Variants in TMEM132B observed in about 807,000 individuals in gnomAD.
TMEM132B encodes transmembrane protein 132B.
TMEM132B carries 18 observed loss-of-function variants against 90.8 expected under a neutral mutation model. The ratio of observed to expected loss-of-function variants is 0.20; its 90% CI spans 0.14 to 0.29. TMEM132B has a LOEUF of 0.29. TMEM132B is among the 10% of genes least tolerant of loss of function. TMEM132B has a pLI of 1.00. For missense variants in TMEM132B, 1,096 were observed against 1,326.8 expected, an observed-to-expected ratio of 0.83 and a Z score of 2.70; for synonymous variants, 504 against 523.3, an observed-to-expected ratio of 0.96 and a Z score of 0.50.
At chr12:125,597,089 A>C (rs993632566) in intron 5 of TMEM132B, among the ~76,000 whole-genome samples, 3 of 152,200 alleles carry the variant, frequency 2.0e-5, no homozygotes, top group Non-Finnish European at 4.4e-5. Flanking sequence ...GGAGTGAAAG[A>C]ATTTTGGTTT....
chr12:125,231,235 G>GTA (rs1263089552), intron 1 of TMEM132B, among the ~76,000 whole-genome samples: 8 of 150,544 alleles, frequency 5.3e-5, no homozygotes, highest in Non-Finnish European at 1.0e-4. Flanking sequence ...GTGTGTGTGT[G>GTA]TGTATATCTG....
intron 1 of TMEM132B, among the ~76,000 whole-genome samples, chr12:125,238,380 AAAAAAACC>A (rs1873987545): frequency 6.8e-6 from 1 of 146,742 alleles, no homozygotes; most frequent in Non-Finnish European, 1.5e-5. Context: ...AAAAAAACAA[AAAAAAACC>A]AAAAAAACAA....
chr12:125,188,070 G>A (rs1295283004), intron 1 of TMEM132B, among the ~76,000 whole-genome samples: 1 of 152,306 alleles, frequency 6.6e-6, no homozygotes, highest in African/African-American at 2.4e-5. Flanking sequence ...CTTGATGTTC[G>A]ATGTATTTTA....
intron 1 of TMEM132B, among the ~76,000 whole-genome samples, chr12:125,189,426 T>C (rs543565425): frequency 1.3e-3 from 202 of 152,142 alleles, no homozygotes; most frequent in African/African-American, 4.6e-3. Context: ...AGGGGCCACA[T>C]TGAGTGGCAG....
intron 2 of TMEM132B, among the ~76,000 whole-genome samples, chr12:125,359,690 T>C (rs1259540152): frequency 6.6e-6 from 1 of 152,128 alleles, no homozygotes; most frequent in Admixed American, 6.5e-5. Context: ...AAATAACAAA[T>C]GTAAAAAGCC....
chr12:125,622,820 T>G (rs1039126582), intron 5 of TMEM132B, among the ~76,000 whole-genome samples: 1 of 152,162 alleles, frequency 6.6e-6, no homozygotes, highest in African/African-American at 2.4e-5. Flanking sequence ...CAGCTAACAA[T>G]TTTTATACCT....
At chr12:125,477,590 T>A (rs1166890970) in intron 3 of TMEM132B, among the ~76,000 whole-genome samples, 5 of 152,228 alleles carry the variant, frequency 3.3e-5, no homozygotes, top group African/African-American at 1.2e-4. Context: ...CTCTTACATT[T>A]TTTTCAACTT....
chr12:125,590,961 A>G (rs1885302364), intron 5 of TMEM132B, among the ~76,000 whole-genome samples: 1 of 152,140 alleles, frequency 6.6e-6, no homozygotes, highest in Admixed American at 6.5e-5. Context: ...ACCTCTGTAC[A>G]TCTAAAATTG....
intron 3 of TMEM132B, among the ~76,000 whole-genome samples, chr12:125,438,911 C>T (rs1418164260): frequency 6.6e-6 from 1 of 152,142 alleles, no homozygotes; most frequent in East Asian, 1.9e-4. Context: ...TCTTTTATCC[C>T]TTTGCTGTGT....
intron 3 of TMEM132B, among the ~76,000 whole-genome samples, chr12:125,454,403 T>TGTGG (rs1881238284): frequency 6.6e-6 from 1 of 151,836 alleles, no homozygotes; most frequent in Non-Finnish European, 1.5e-5. Flanking sequence ...TGTGTGTGTG[T>TGTGG]GTGTGTGTGT....
chr12:125,379,499 A>G (rs1388790120), intron 2 of TMEM132B, among the ~76,000 whole-genome samples: 2 of 152,200 alleles, frequency 1.3e-5, no homozygotes, highest in East Asian at 1.9e-4. Flanking sequence ...CCCCCAAAAT[A>G]AAGACAAAAA....
Position 125,488,594 on chromosome 12 carries a change from A to G in TMEM132B, c.1107-30845A>G, listed in dbSNP as rs181331185. ...TTGCCTGCTGCCATCCATGTAAGAC[A>G]TGACTTGCTCCTCTTTGCCTCCTGC... On this transcript the variant is annotated intron_variant, in intron 3 of 8. Transcript: ENST00000682704. Among the ~76,000 whole-genome samples, 113 of 152,312 alleles carry G rather than the reference A, an allele frequency of 7.4e-4. No individual in the cohort carries two copies. The East Asian group carries it at 9.9e-3, about 13-fold the overall frequency.
At chr12:125,575,976 A>G (rs891432204) in intron 4 of TMEM132B, among the ~76,000 whole-genome samples, 1 of 152,042 alleles carries the variant, frequency 6.6e-6, no homozygotes, top group Non-Finnish European at 1.5e-5. Flanking sequence ...TTTCATCTCC[A>G]TATGAATTTT....
intron 3 of TMEM132B, among the ~76,000 whole-genome samples, chr12:125,496,223 C>T (rs552412676): frequency 9.2e-5 from 14 of 152,116 alleles, no homozygotes; most frequent in Middle Eastern, 3.4e-3. Flanking sequence ...TGTAAGACTT[C>T]GTAATTTAGC....
intron 2 of TMEM132B, among the ~76,000 whole-genome samples, chr12:125,404,986 C>T (rs938055591): frequency 6.6e-6 from 1 of 152,200 alleles, no homozygotes; most frequent in Non-Finnish European, 1.5e-5. Context: ...ATAAACACAC[C>T]TGTAGCACTC....
chr12:125,346,663 G>C (rs1263760644), intron 1 of TMEM132B, among the ~76,000 whole-genome samples: 1 of 152,218 alleles, frequency 6.6e-6, no homozygotes, highest in East Asian at 1.9e-4. Context: ...GGCGGCAGCA[G>C]CTAAAACTTT....
chr12:125,642,369 ATTG>A (rs1566098655), intron 5 of TMEM132B, among the ~76,000 whole-genome samples: 1 of 152,194 alleles, frequency 6.6e-6, no homozygotes, highest in East Asian at 1.9e-4. Flanking sequence ...TGCTTGCTTC[ATTG>A]TTGTTCTTCT....
At chr12:125,651,093 CTGTT>C (rs542109576) in intron 7 of TMEM132B, 140 bp downstream of exon 7, 14 of 1,200,328 alleles carry the variant, frequency 1.2e-5, no homozygotes, top group African/African-American at 1.5e-5. Context: ...TGTATTGCCT[CTGTT>C]TGTTTGTAAG....
rs916631550 is a variant in TMEM132B at position 125,407,751 on chromosome 12, C to T, written c.960-7780C>T. ...ACCTGGTGGAGGTCTGGGGGAGAAA[C>T]GCCTCTGTGTGTCTGGGGTGGTGAC... On this transcript the variant is annotated intron_variant, in intron 2 of 8. Coordinates refer to ENST00000682704, the MANE Select transcript of TMEM132B (RefSeq NM_001366854.1). The surrounding 1 kb of genome is among the most constrained non-coding windows in gnomAD (Gnocchi z 6.7). Among the ~76,000 whole-genome samples, 4 of 152,150 alleles carry T rather than the reference C, an allele frequency of 2.6e-5. No individual in the cohort carries two copies. Among genetic ancestry groups the T allele is most frequent in the East Asian group, 3.8e-4 (2 of 5,200 alleles).
Sources: gnomAD v4.1 joint callset for allele counts (sites outside exome capture counted in the v4.1 genomes callset) on GRCh38, gnomAD v4.1.1 for gene constraint, Gnocchi (gnomAD v3.1) non-coding constraint, MANE v1.5 for transcripts, NCBI Gene and HGNC (gene_info 2026-07-23, HGNC 2026-07-21) for gene names.